The following DDX23 variants were observed in gnomAD, a reference collection of about 807,000 sequenced individuals.
The protein encoded by DDX23 is probable ATP-dependent RNA helicase DDX23.
DDX23 carries 33 observed loss-of-function variants against 102.7 expected under a neutral mutation model. The ratio of observed to expected loss-of-function variants is 0.32; its 90% CI spans 0.24 to 0.43. The LOEUF (loss-of-function observed/expected upper bound fraction) is 0.43. Among genes scored for constraint, DDX23 ranks in the 20% least tolerant of loss-of-function variants. The pLI, the probability that DDX23 is intolerant of heterozygous loss-of-function variation, is 1.00. For missense variants in DDX23, 549 were observed against 1,086.6 expected (o/e 0.51, Z 6.96); for synonymous variants, 352 against 376.0 (o/e 0.94, Z 0.74).
At position 48,830,635 on chromosome 12, in the gene DDX23, G is replaced by T; in HGVS notation, c.2297C>A (p.Thr766Asn). The T allele has an allele frequency of 6.2e-7, 1 of 1,614,112 alleles. No homozygotes were observed. Among genetic ancestry groups the T allele is most frequent in the Non-Finnish European group, 8.5e-7 (1 of 1,180,010 alleles). ...GRAGKSGVAI[T>N]FLTKEDSAVF... Reference sequence around the variant, plus strand: ...AGCAGAGTCCTCTTTTGTGAGGAAGGTGATGGCCACCCCACTCTTGCCTGC... The same window carrying T: ...AGCAGAGTCCTCTTTTGTGAGGAAGTTGATGGCCACCCCACTCTTGCCTGC... Residue 766 changes from threonine to asparagine, a missense_variant, in exon 17 of 17, where the codon ACC becomes AAC. Thr to Asn is a moderately conservative substitution (Grantham distance 65, BLOSUM62 0). Transcript: ENST00000308025. This position sits in a 1 kb window ranked among gnomAD's most constrained non-coding sequence, Gnocchi z 4.9.
At chr12:48,839,737 A>AGCCTCCAGAACTGTGAGAAAATTAACT (rs1370807345) in intron 5 of DDX23, 107 bp downstream of exon 5, 13 of 1,151,204 alleles carry the variant, frequency 1.1e-5, no homozygotes, top group African/African-American at 1.6e-5. Context: ...TCAGACTTCC[A>AGCCTCCAGAACTGTGAGAAAATTAACT]GCCTCCAGAA....
intron 12 of DDX23, among the ~76,000 whole-genome samples, 156 bp downstream of exon 12, chr12:48,834,164 G>A (rs1210024632): frequency 6.6e-6 from 1 of 152,116 alleles, no homozygotes; most frequent in African/African-American, 2.4e-5. Flanking sequence ...TACTATTTGT[G>A]ATATAAACCC....
chr12:48,842,812 T>C (rs1938590613), intron 3 of DDX23, among the ~76,000 whole-genome samples: 1 of 152,156 alleles, frequency 6.6e-6, no homozygotes. Flanking sequence ...AACAGCTCAT[T>C]GAGAACGGAC....
At chr12:48,834,150 T>C (rs916930885) in intron 12 of DDX23, among the ~76,000 whole-genome samples, 170 bp downstream of exon 12, 7 of 152,238 alleles carry the variant, frequency 4.6e-5, no homozygotes, top group African/African-American at 1.7e-4. Flanking sequence ...ATATATATGA[T>C]ATATACTATT....
Position 48,830,997 on chromosome 12 carries a change from G to A in DDX23, c.2239+145C>T. On this transcript the variant is annotated intron_variant, in intron 16 of 16. Coordinates refer to ENST00000308025, the MANE Select transcript of DDX23 (RefSeq NM_004818.3). This position sits in a 1 kb window ranked among gnomAD's most constrained non-coding sequence, Gnocchi z 4.9. ...AACCCAGGTAAGATAAAGGACAGGA[G>A]TGCTTCTCATGGGAGCAAGCAATCC... The A allele has an allele frequency of 3.3e-6, 3 of 908,836 alleles. No individual in the cohort carries two copies. The highest frequency in any genetic ancestry group is 5.2e-6 in the Non-Finnish European group (3 of 577,560). 56.3% of individuals were successfully genotyped at this position (908,836 alleles called of 1,614,324 possible).
chr12:48,834,635 T>A (rs926766606), intron 11 of DDX23, 138 bp from the exon 12 acceptor site: 3 of 835,160 alleles, frequency 3.6e-6, no homozygotes, highest in Non-Finnish European at 5.5e-6. Flanking sequence ...TGATCTCACT[T>A]AAAAATCAGA....
chr12:48,840,746 T>G (rs1342147685), intron 3 of DDX23, among the ~76,000 whole-genome samples: 1 of 151,170 alleles, frequency 6.6e-6, no homozygotes, highest in Non-Finnish European at 1.5e-5. Flanking sequence ...AGAGACGAGG[T>G]TTCATCATGT....
At chr12:48,851,447 T>G (rs904853605) in intron 1 of DDX23, among the ~76,000 whole-genome samples, 1 of 148,976 alleles carries the variant, frequency 6.7e-6, no homozygotes, top group African/African-American at 2.5e-5. Flanking sequence ...CACTCCAGCC[T>G]AGGCGACAGA....
rs560352522 is a variant in DDX23 at position 48,829,877 on chromosome 12, A to C, written c.*592T>G. 88 of 257,410 alleles carry C rather than the reference A, an allele frequency of 3.4e-4. No individual in the cohort carries two copies. Among genetic ancestry groups the C allele is most frequent in the African/African-American group, 1.7e-3 (79 of 45,294 alleles). The allele number at this position is 257,410 out of a possible 1,614,324, so 15.9% of individuals were successfully genotyped here. ...CACAGCCAGTTCACCGTGTCCCCCC[A>C]TCTACTTAGAAAATCCCCTGGGGGA... On this transcript the variant is annotated 3_prime_UTR_variant, in exon 17 of 17. Transcript: ENST00000308025.
chr12:48,847,215 C>T (rs1938682597), intron 1 of DDX23: 1 of 152,180 alleles, frequency 6.6e-6, no homozygotes, highest in Non-Finnish European at 1.5e-5. Context: ...ATGGCTATCA[C>T]ACAGAAATAC....
intron 2 of DDX23, among the ~76,000 whole-genome samples, 165 bp downstream of exon 2, chr12:48,845,409 C>A (rs1242943384): frequency 2.0e-5 from 3 of 152,126 alleles, no homozygotes; most frequent in Non-Finnish European, 4.4e-5. Flanking sequence ...GAGCTGAGAT[C>A]GCACCACTGC....
chr12:48,839,391 T>C (rs1938512979), intron 5 of DDX23: 1 of 156,596 alleles, frequency 6.4e-6, no homozygotes, highest in Non-Finnish European at 1.4e-5. Context: ...AAATCTGGAC[T>C]CTACAAAAAA....
In DDX23 at chr12:48,833,525, G is replaced by T. The variant is rs1938421148; in HGVS notation, c.1561-6C>A. ...CCAGGGGTAGCAATCACAATCTGAG[G>T]AGTACAGTATAATCATTTATAGCCC... On this transcript the variant is annotated splice_region_variant and splice_polypyrimidine_tract_variant and intron_variant, in intron 12 of 16. Coordinates refer to ENST00000308025, the MANE Select transcript of DDX23 (RefSeq NM_004818.3). 1 of 1,613,562 alleles carries T rather than the reference G, an allele frequency of 6.2e-7. No individual in the cohort carries two copies. The highest frequency in any genetic ancestry group is 8.5e-7 in the Non-Finnish European group (1 of 1,180,000).
intron 8 of DDX23, 71 bp downstream of exon 8, chr12:48,837,210 C>T: frequency 6.4e-7 from 1 of 1,570,460 alleles, no homozygotes; most frequent in Non-Finnish European, 8.7e-7. Flanking sequence ...ACTTCCTCCA[C>T]CTCCGTAGTC....
chr12:48,842,785 G>A (rs1247510313), intron 3 of DDX23, among the ~76,000 whole-genome samples: 11 of 152,112 alleles, frequency 7.2e-5, no homozygotes, highest in African/African-American at 2.2e-4. Flanking sequence ...CCACCACCCC[G>A]TCTGGGAGGT....
intron 3 of DDX23, among the ~76,000 whole-genome samples, chr12:48,842,102 C>T (rs1482357278): frequency 2.0e-5 from 3 of 150,892 alleles, no homozygotes; most frequent in Admixed American, 6.6e-5. Context: ...GGAGCCCCTC[C>T]GCCTGGCAGC....
chr12:48,832,928 C>T lies in DDX23; in HGVS notation c.1803+349G>A, dbSNP rs1592199484. On this transcript the variant is annotated intron_variant, in intron 13 of 16. Transcript: ENST00000308025. The surrounding 1 kb of genome is among the most constrained non-coding windows in gnomAD (Gnocchi z 4.4). ...GCACACTTCATTCTAGAAACATGTACTCTGAGCCCACCTAAGGCAAGAAAG... is the reference window on the plus strand; with the variant it reads ...GCACACTTCATTCTAGAAACATGTATTCTGAGCCCACCTAAGGCAAGAAAG... 4.5e-6 allele frequency: 2 copies of T among 448,780 alleles called. No individual in the cohort carries two copies. The highest frequency in any genetic ancestry group is 9.0e-5 in the East Asian group (2 of 22,206). The allele number at this position is 448,780 out of a possible 1,614,324, so 27.8% of individuals were successfully genotyped here. A position where few individuals can be genotyped will look rare whatever the true frequency, so the allele number is the denominator to read the frequency against.
chr12:48,844,601 C>T (rs981634318), intron 2 of DDX23, among the ~76,000 whole-genome samples: 1 of 149,396 alleles, frequency 6.7e-6, no homozygotes, highest in Non-Finnish European at 1.5e-5. Context: ...TCCTTGATAA[C>T]CCGGACCTTC....
At position 48,832,987 on chromosome 12, in the gene DDX23, T is replaced by G; in HGVS notation, c.1803+290A>C. On this transcript the variant is annotated intron_variant, in intron 13 of 16. Transcript: ENST00000308025. This position sits in a 1 kb window ranked among gnomAD's most constrained non-coding sequence, Gnocchi z 4.4. Reference sequence around the variant, plus strand: ...GGAGGTTGGCAACCTTGTACAACTTTTCTTTTTTTTTGAGACAGGGCCTCA... The same window carrying G: ...GGAGGTTGGCAACCTTGTACAACTTGTCTTTTTTTTTGAGACAGGGCCTCA... 1 of 475,098 alleles carries G rather than the reference T, an allele frequency of 2.1e-6. No individual in the cohort carries two copies. Among genetic ancestry groups the G allele is most frequent in the Non-Finnish European group, 3.8e-6 (1 of 265,608 alleles). The allele number at this position is 475,098 out of a possible 1,614,324, so 29.4% of individuals were successfully genotyped here. A position where few individuals can be genotyped will look rare whatever the true frequency, so the allele number is the denominator to read the frequency against.
Sources: allele counts gnomAD v4.1 joint callset (sites outside exome capture counted in the v4.1 genomes callset), GRCh38; gene constraint gnomAD v4.1.1; non-coding constraint Gnocchi (gnomAD v3.1); transcripts MANE v1.5; gene names NCBI Gene and HGNC (gene_info 2026-07-23, HGNC 2026-07-21).